SIPA1L1: variants seen among roughly 807,000 people sequenced by gnomAD.
The protein encoded by SIPA1L1 is signal induced proliferation associated 1 like 1.
Under a neutral mutation model 162.7 loss-of-function variants are expected in SIPA1L1, and 26 were observed. That is an observed-to-expected ratio of 0.16 (90% CI 0.12 to 0.22). The LOEUF is 0.22. SIPA1L1 is among the 10% of genes least tolerant of loss of function. The pLI, the probability that SIPA1L1 is intolerant of heterozygous loss-of-function variation, is 1.00. For synonymous variants in SIPA1L1, 829 were observed against 837.4 expected, an observed-to-expected ratio of 0.99 and a Z score of 0.17; for missense variants, 1,874 against 2,241.0, an observed-to-expected ratio of 0.84 and a Z score of 3.31.
At chr14:71,719,683 G>A (rs1202630032) in intron 17 of SIPA1L1, among the ~76,000 whole-genome samples, 2 of 152,028 alleles carry the variant, frequency 1.3e-5, no homozygotes. Flanking sequence ...AGTAGAGACA[G>A]GGTTTCATCA....
chr14:71,567,618 G>A (rs2030973758), intron 4 of SIPA1L1, among the ~76,000 whole-genome samples: 1 of 150,566 alleles, frequency 6.6e-6, no homozygotes, highest in Admixed American at 6.7e-5. Context: ...TGAGTTTTCT[G>A]GGAATGAGGT....
chr14:71,500,935 G>A (rs1046723079), intron 2 of SIPA1L1, among the ~76,000 whole-genome samples: 4 of 152,202 alleles, frequency 2.6e-5, no homozygotes, highest in Non-Finnish European at 4.4e-5. Context: ...AAACCCGGGA[G>A]GCAGAGGTTG....
At chr14:71,330,396 G>A (rs2034381663) in intron 2 of SIPA1L1, 3 of 1,136,462 alleles carry the variant, frequency 2.6e-6, no homozygotes, top group East Asian at 4.7e-5. Flanking sequence ...GGACATGCAT[G>A]CTGATTTCAC....
intron 1 of SIPA1L1, 54 bp downstream of exon 1, chr14:71,320,557 G>C (rs1468279272): frequency 3.9e-5 from 6 of 152,620 alleles, no homozygotes; most frequent in Non-Finnish European, 7.3e-5. Context: ...GGCCAGGTCT[G>C]GGCCCCAGAG....
chr14:71,410,028 C>T (rs187973196), intron 2 of SIPA1L1, among the ~76,000 whole-genome samples: 188 of 152,248 alleles, frequency 1.2e-3, no homozygotes, highest in African/African-American at 4.3e-3. Flanking sequence ...TATTTATAAT[C>T]ATCACATTAA....
At chr14:71,635,881 A>G (rs2041093983) in intron 7 of SIPA1L1, among the ~76,000 whole-genome samples, 1 of 152,214 alleles carries the variant, frequency 6.6e-6, no homozygotes, top group Admixed American at 6.5e-5. Context: ...GAAAAAGACC[A>G]TGCAAACATG....
intron 3 of SIPA1L1, among the ~76,000 whole-genome samples, chr14:71,525,966 A>G (rs1461968915): frequency 1.3e-5 from 2 of 152,162 alleles, no homozygotes; most frequent in Non-Finnish European, 2.9e-5. Context: ...TGTGTACGCT[A>G]TCTAATCATA....
intron 2 of SIPA1L1, among the ~76,000 whole-genome samples, chr14:71,421,445 A>C (rs2043183081): frequency 6.6e-6 from 1 of 152,118 alleles, no homozygotes; most frequent in Non-Finnish European, 1.5e-5. Context: ...ACGAGAAAAA[A>C]AAAGGTAGGC....
Position 71,685,147 on chromosome 14 carries a change from T to C in SIPA1L1, c.3105-215T>C, listed in dbSNP as rs1218695506. On this transcript the variant is annotated intron_variant, in intron 12 of 23. Transcript: ENST00000381232. Reference sequence around the variant, plus strand: ...GACTCCATATCTCGCACTCAAAAAGTTGGGATTGAGTAAAGGAAAATACTA... The same window carrying C: ...GACTCCATATCTCGCACTCAAAAAGCTGGGATTGAGTAAAGGAAAATACTA... Among the ~76,000 whole-genome samples the C allele has an allele frequency of 5.3e-5, 8 of 152,146 alleles. No homozygotes were observed. In the East Asian group the frequency reaches 1.5e-3, roughly 29 times the overall value.
chr14:71,502,255 A>AAAAAATATATATATATATAT (rs67020418), intron 2 of SIPA1L1, among the ~76,000 whole-genome samples: 3 of 97,558 alleles, frequency 3.1e-5, no homozygotes, highest in African/African-American at 1.4e-4. Flanking sequence ...AAAAAAAAAA[A>AAAAAATATATATATATATAT]ATATATATAT....
intron 12 of SIPA1L1, among the ~76,000 whole-genome samples, chr14:71,678,312 C>G (rs1049595882): frequency 2.0e-5 from 3 of 152,110 alleles, no homozygotes; most frequent in African/African-American, 7.2e-5. Context: ...TGAGATAAGT[C>G]CCATCAATAC....
At chr14:71,683,309 G>A (rs1596947134) in intron 12 of SIPA1L1, among the ~76,000 whole-genome samples, 2 of 152,308 alleles carry the variant, frequency 1.3e-5, no homozygotes, top group South Asian at 4.1e-4. Flanking sequence ...CTGTACATGT[G>A]CTGGTTCCTA....
intron 2 of SIPA1L1, among the ~76,000 whole-genome samples, chr14:71,472,012 T>C (rs925318236): frequency 2.8e-4 from 42 of 152,248 alleles, no homozygotes; most frequent in African/African-American, 9.4e-4. Context: ...CGTACCTTCA[T>C]ACACGTAAGG....
intron 4 of SIPA1L1, among the ~76,000 whole-genome samples, chr14:71,541,929 T>C (rs1377774896): frequency 3.3e-5 from 5 of 152,086 alleles, no homozygotes; most frequent in African/African-American, 7.2e-5. Context: ...ATATTTCCCA[T>C]TGGATGGCAC....
At chr14:71,488,395 G>T (rs2048948260) in intron 2 of SIPA1L1, among the ~76,000 whole-genome samples, 1 of 152,180 alleles carries the variant, frequency 6.6e-6, no homozygotes, top group Non-Finnish European at 1.5e-5. Flanking sequence ...TCCTGGAAGT[G>T]ATTTTTCAAA....
chr14:71,622,394 C>T (rs1025879380), intron 6 of SIPA1L1, among the ~76,000 whole-genome samples: 12 of 152,086 alleles, frequency 7.9e-5, no homozygotes, highest in Admixed American at 2.6e-4. Context: ...ACTAGTGATT[C>T]GGATGTAAAA....
intron 2 of SIPA1L1, among the ~76,000 whole-genome samples, chr14:71,440,873 C>T (rs912397954): frequency 1.3e-5 from 2 of 151,918 alleles, no homozygotes; most frequent in African/African-American, 4.8e-5. Context: ...ATTGAGAAAC[C>T]ATTGATGGTT....
At position 71,624,215 on chromosome 14, in the gene SIPA1L1, C is replaced by A; in HGVS notation, c.1797C>A (p.Leu599=). ...AFNTPKVTEQ[L]MKLDEQGLNY... Reference sequence around the variant, plus strand: ...ACACACCCAAGGTCACAGAGCAGCTCATGAAACTGGATGAACAAGGGGTGA... The same window carrying A: ...ACACACCCAAGGTCACAGAGCAGCTAATGAAACTGGATGAACAAGGGGTGA... The change falls in exon 7 of 24, where the codon CTC becomes CTA. Residue 599 remains leucine, a synonymous_variant. Transcript: ENST00000381232. The A allele has an allele frequency of 6.2e-7, 1 of 1,612,208 alleles. No homozygotes were observed. The highest frequency in any genetic ancestry group is 1.1e-5 in the South Asian group (1 of 90,900).
Position 71,545,386 on chromosome 14 carries a change from T to C in SIPA1L1, c.-303+16016T>C, listed in dbSNP as rs34795575. Among the ~76,000 whole-genome samples, 1,161 of 152,344 alleles carry C rather than the reference T, an allele frequency of 7.6e-3. 6 individuals carry two copies. The highest frequency in any genetic ancestry group is 0.012 in the Non-Finnish European group (829 of 68,032). ...CTCAGCAGTGTTGTGTAGTTTTCAA[T>C]ATAGATGTTTTGTACATCTTTCATT... is the stretch of plus-strand genomic sequence containing the variant. On this transcript the variant is annotated intron_variant, in intron 4 of 23. Transcript: ENST00000381232.
Sources: allele counts gnomAD v4.1 joint callset (sites outside exome capture counted in the v4.1 genomes callset), GRCh38; gene constraint gnomAD v4.1.1; transcripts MANE v1.5; gene names NCBI Gene and HGNC (gene_info 2026-07-23, HGNC 2026-07-21).